The following PTPRD variants were observed in gnomAD, a reference collection of about 807,000 sequenced individuals.
The protein encoded by PTPRD is protein tyrosine phosphatase receptor type D.
PTPRD carries 34 observed loss-of-function variants against 214.5 expected under a neutral mutation model. That is an observed-to-expected ratio of 0.16 (90% CI 0.12 to 0.21). The LOEUF (loss-of-function observed/expected upper bound fraction) is 0.21, where lower values mean the gene tolerates loss of function less well. PTPRD is among the 10% of genes least tolerant of loss of function. PTPRD has a pLI of 1.00. For synonymous variants in PTPRD, 1,128 were observed against 845.7 expected, an observed-to-expected ratio of 1.33 and a Z score of -5.79; for missense variants, 2,545 against 2,398.7, an observed-to-expected ratio of 1.06 and a Z score of -1.27.
intron 14 of PTPRD, among the ~76,000 whole-genome samples, chr9:8,601,053 C>G (rs933329441): frequency 3.3e-5 from 5 of 152,066 alleles, no homozygotes; most frequent in Admixed American, 1.3e-4. Flanking sequence ...TCCTGGCAGC[C>G]ACAAGCTGAC....
rs1056732282 is a variant in PTPRD, at chr9:10,562,288, G to A, written c.-600+50110C>T. Among the ~76,000 whole-genome samples, 6 of 150,486 alleles carry A rather than the reference G, an allele frequency of 4.0e-5. No homozygotes were observed. The East Asian group carries it at 9.8e-4, about 24-fold the overall frequency. ...AGTGAGTATTCAGTTCTTCTTCAAC[G>A]TAATGGAGGGTTTCTTATAATGTAA... On this transcript the variant is annotated intron_variant, in intron 2 of 45. Transcript: ENST00000381196.
rs150455250 is a variant in PTPRD at position 9,595,393 on chromosome 9, T to C, written c.-286-20612A>G. On this transcript the variant is annotated intron_variant, in intron 7 of 45. Transcript: ENST00000381196. ...AAACTGTGATATATATATTCCACCA[T>C]ATACATATATACATATATATACAAA... Among the ~76,000 whole-genome samples the C allele has an allele frequency of 5.4e-3, 798 of 147,830 alleles. 6 individuals carry two copies. The highest frequency in any genetic ancestry group is 0.019 in the African/African-American group (761 of 39,954).
chr9:9,009,237 C>G (rs984577398), intron 11 of PTPRD, among the ~76,000 whole-genome samples: 2 of 151,790 alleles, frequency 1.3e-5, no homozygotes, highest in Non-Finnish European at 2.9e-5. Flanking sequence ...CAAAAATTAC[C>G]AGGAATATGA....
chr9:8,967,687 T>C (rs924123166), intron 11 of PTPRD, among the ~76,000 whole-genome samples: 1 of 152,116 alleles, frequency 6.6e-6, no homozygotes, highest in African/African-American at 2.4e-5. Flanking sequence ...TAAAACTGAA[T>C]TCTTACTGAA....
chr9:10,341,061 A>C (rs1336435172), intron 2 of PTPRD, 44 bp from the exon 3 acceptor site: 1 of 151,932 alleles, frequency 6.6e-6, no homozygotes, highest in South Asian at 2.1e-4. Flanking sequence ...ATTTTACATT[A>C]ATTTTTAAAA....
rs575717960 is a variant in PTPRD at position 9,379,600 on chromosome 9, G to C, written c.-203+17849C>G. Among the ~76,000 whole-genome samples the C allele has an allele frequency of 6.6e-5, 10 of 152,098 alleles. No homozygotes were observed. The South Asian group carries it at 2.1e-3, about 32-fold the overall frequency. ...ACCTTCTGAAATTTTGATTGGGATT[G>C]CATTGAATCTACAGATGAAGTTGGG... On this transcript the variant is annotated intron_variant, in intron 9 of 45. Coordinates refer to ENST00000381196, the MANE Select transcript of PTPRD (RefSeq NM_002839.4).
intron 9 of PTPRD, among the ~76,000 whole-genome samples, chr9:9,287,160 G>A (rs375637211): frequency 1.1e-4 from 17 of 151,248 alleles, no homozygotes; most frequent in African/African-American, 4.1e-4. Context: ...TGGAGCAGAA[G>A]GTTGCATTGA....
At chr9:8,629,279 G>T (rs1233051423) in intron 14 of PTPRD, among the ~76,000 whole-genome samples, 1 of 151,714 alleles carries the variant, frequency 6.6e-6, no homozygotes, top group Non-Finnish European at 1.5e-5. Context: ...AGTACCCTTG[G>T]ACTCTTACTA....
At position 9,319,027 on chromosome 9, in the gene PTPRD, A is replaced by T. The variant is rs1258150919; in HGVS notation, c.-203+78422T>A. 2.0e-5 allele frequency among the ~76,000 whole-genome samples: 3 copies of T among 152,306 alleles called. No individual in the cohort carries two copies. In the South Asian group the frequency reaches 6.2e-4, roughly 32 times the overall value. ...ACACAAGTTAAGTAAGCTTTCCTCAAACAGCAGTGATTGCTTTCAAGTTCC... is the reference window on the plus strand; with the variant it reads ...ACACAAGTTAAGTAAGCTTTCCTCATACAGCAGTGATTGCTTTCAAGTTCC... On this transcript the variant is annotated intron_variant, in intron 9 of 45. Coordinates refer to ENST00000381196, the MANE Select transcript of PTPRD (RefSeq NM_002839.4).
chr9:9,633,750 T>C (rs1389868559), intron 7 of PTPRD, among the ~76,000 whole-genome samples: 2 of 152,220 alleles, frequency 1.3e-5, no homozygotes, highest in Admixed American at 1.3e-4. Flanking sequence ...AAAGCTACAC[T>C]AATCGCAAAC....
chr9:9,572,743 G>A (rs1192896132), intron 8 of PTPRD, among the ~76,000 whole-genome samples: 2 of 150,404 alleles, frequency 1.3e-5, no homozygotes, highest in Admixed American at 6.7e-5. Flanking sequence ...GAAAAAAAAG[G>A]CAAAAGTTTT....
At chr9:8,630,269 G>A (rs915941080) in intron 14 of PTPRD, among the ~76,000 whole-genome samples, 4 of 151,848 alleles carry the variant, frequency 2.6e-5, no homozygotes, top group South Asian at 2.1e-4. Flanking sequence ...CTGAGTGTCC[G>A]CCAACATGAT....
intron 3 of PTPRD, among the ~76,000 whole-genome samples, chr9:10,217,630 G>A (rs552375009): frequency 2.0e-5 from 3 of 151,762 alleles, no homozygotes; most frequent in Admixed American, 1.3e-4. Flanking sequence ...CTGTCCAAGA[G>A]GAAAAAATGA....
intron 39 of PTPRD, among the ~76,000 whole-genome samples, chr9:8,345,452 C>T (rs772894774): frequency 2.6e-5 from 4 of 152,020 alleles, no homozygotes; most frequent in Non-Finnish European, 5.9e-5. Context: ...GTAGAGCGCT[C>T]GTCTGTGATA....
chr9:10,271,474 C>A (rs1040479026), intron 3 of PTPRD, among the ~76,000 whole-genome samples: 2 of 149,406 alleles, frequency 1.3e-5, no homozygotes, highest in Non-Finnish European at 3.0e-5. Flanking sequence ...TTAATTATCT[C>A]AAGTGTTTTC....
At chr9:9,878,455 C>A (rs945553862) in intron 5 of PTPRD, among the ~76,000 whole-genome samples, 1 of 152,070 alleles carries the variant, frequency 6.6e-6, no homozygotes, top group African/African-American at 2.4e-5. Context: ...TAAGGAGAGT[C>A]ATCTAAGTGA....
intron 2 of PTPRD, among the ~76,000 whole-genome samples, chr9:10,427,511 T>A (rs182099147): frequency 2.0e-5 from 3 of 152,158 alleles, no homozygotes; most frequent in African/African-American, 7.2e-5. Context: ...AGATGGCCCA[T>A]CGGCAGCTGA....
At chr9:9,061,248 C>T (rs1052052322) in intron 10 of PTPRD, among the ~76,000 whole-genome samples, 3 of 152,122 alleles carry the variant, frequency 2.0e-5, no homozygotes, top group African/African-American at 7.2e-5. Flanking sequence ...TACTGCAACA[C>T]AAAAGAAAAC....
At chr9:8,662,104 G>C (rs1596333359) in intron 12 of PTPRD, among the ~76,000 whole-genome samples, 1 of 151,980 alleles carries the variant, frequency 6.6e-6, no homozygotes, top group Admixed American at 6.6e-5. Flanking sequence ...GTTTTTCATA[G>C]AGCTTTTCAA....
Sources: allele counts gnomAD v4.1 joint callset (sites outside exome capture counted in the v4.1 genomes callset), GRCh38; gene constraint gnomAD v4.1.1; transcripts MANE v1.5; gene names NCBI Gene and HGNC (gene_info 2026-07-23, HGNC 2026-07-21).